The following APOC3 variants were observed in gnomAD, a reference collection of about 807,000 sequenced individuals.
The protein encoded by APOC3 is apolipoprotein C-III.
A neutral mutation model predicts 7.3 loss-of-function variants in APOC3; 6 were observed. That is an observed-to-expected ratio of 0.82 (90% confidence interval 0.45 to 1.61). The LOEUF (loss-of-function observed/expected upper bound fraction) is 1.61, where lower values mean the gene tolerates loss of function less well. APOC3 is among the 40% of genes most tolerant of loss of function. The pLI is 0.01. For synonymous variants in APOC3, 45 were observed against 51.2 expected (o/e 0.88, Z 0.52); for missense variants, 123 against 124.9 (o/e 0.98, Z 0.07).
At chr11:116,830,371 C>A in intron 1 of APOC3, 199 bp from the exon 2 acceptor site, 2 of 631,686 alleles carry the variant, frequency 3.2e-6, no homozygotes, top group Non-Finnish European at 5.6e-6. Context: ...TCTGCTCCAT[C>A]CCACCCACCT....
rs751544205 is a variant in APOC3 at position 116,830,753 on chromosome 11, C to G, written c.56-20C>G. Reference sequence around the variant, plus strand: ...CGTCCAGAGGCCGATCCACCCCACTCAGCCCTGCTCTTTCCTCAGGAGCTT... The same window carrying G: ...CGTCCAGAGGCCGATCCACCCCACTGAGCCCTGCTCTTTCCTCAGGAGCTT... On this transcript the variant is annotated intron_variant, in intron 2 of 3. Transcript: ENST00000227667. 1 of 1,613,446 alleles carries G rather than the reference C, an allele frequency of 6.2e-7. No individual in the cohort carries two copies. The highest frequency in any genetic ancestry group is 8.5e-7 in the Non-Finnish European group (1 of 1,179,978).
intron 3 of APOC3, among the ~76,000 whole-genome samples, chr11:116,832,461 C>T (rs1941472860): frequency 6.6e-6 from 1 of 152,228 alleles, no homozygotes; most frequent in African/African-American, 2.4e-5. Flanking sequence ...CAATGACAGC[C>T]TTGACCTTTC....
Position 116,830,353 on chromosome 11 carries a change from G to A in APOC3, c.-13-217G>A, listed in dbSNP as rs1225566669. 4.9e-6 allele frequency: 3 copies of A among 613,696 alleles called. No individual in the cohort carries two copies. In the Admixed American group the frequency reaches 8.0e-5, roughly 16 times the overall value. 38.0% of individuals were successfully genotyped at this position (613,696 alleles called of 1,614,324 possible). A position where few individuals can be genotyped will look rare whatever the true frequency, so the allele number is the denominator to read the frequency against. On this transcript the variant is annotated intron_variant, in intron 1 of 3. Transcript: ENST00000227667. Reference sequence around the variant, plus strand: ...CGCAGGTGCCTTGATGTTCAGTCTGGTGGGTTTTCTGCTCCATCCCACCCA... The same window carrying A: ...CGCAGGTGCCTTGATGTTCAGTCTGATGGGTTTTCTGCTCCATCCCACCCA...
chr11:116,830,444 G>T, intron 1 of APOC3, 126 bp from the exon 2 acceptor site: 1 of 966,588 alleles, frequency 1.0e-6, no homozygotes, highest in South Asian at 1.4e-5. Context: ...TATTAGCAGG[G>T]AGCCGGCCCC....
chr11:116,830,496 C>T (rs1476102760), intron 1 of APOC3, 74 bp from the exon 2 acceptor site: 1 of 1,528,354 alleles, frequency 6.5e-7, no homozygotes, highest in Non-Finnish European at 9.0e-7. Context: ...ACCTTAGGGG[C>T]CACGCCACCT....
chr11:116,830,762 T>C lies in APOC3; in HGVS notation c.56-11T>C. ...GCCGATCCACCCCACTCAGCCCTGC[T>C]CTTTCCTCAGGAGCTTCAGAGGCCG... On this transcript the variant is annotated splice_polypyrimidine_tract_variant and intron_variant, in intron 2 of 3. Coordinates refer to ENST00000227667, the MANE Select transcript of APOC3 (RefSeq NM_000040.3). 2 of 1,613,342 alleles carry C rather than the reference T, an allele frequency of 1.2e-6. No individual in the cohort carries two copies. Among genetic ancestry groups the C allele is most frequent in the Non-Finnish European group, 1.7e-6 (2 of 1,179,926 alleles).
chr11:116,832,463 T>A (rs1217471551), intron 3 of APOC3, among the ~76,000 whole-genome samples: 1 of 152,222 alleles, frequency 6.6e-6, no homozygotes, highest in East Asian at 1.9e-4. Context: ...ATGACAGCCT[T>A]GACCTTTCAC....
chr11:116,832,070 G>A (rs1188869590), intron 3 of APOC3, among the ~76,000 whole-genome samples: 1 of 152,180 alleles, frequency 6.6e-6, no homozygotes, highest in African/African-American at 2.4e-5. Context: ...CCCAATTCAA[G>A]CCCGTGAGTG....
chr11:116,830,070 G>T (rs1220847598), intron 1 of APOC3, 130 bp downstream of exon 1: 10 of 190,216 alleles, frequency 5.3e-5, no homozygotes, highest in Non-Finnish European at 2.2e-5. Context: ...GGAGCTGGAC[G>T]GGTGCCCCCC....
intron 1 of APOC3, 161 bp from the exon 2 acceptor site, chr11:116,830,409 C>A: frequency 1.3e-6 from 1 of 743,630 alleles, no homozygotes. Flanking sequence ...CCTCGCCCCT[C>A]ACCAGTCCCC....
At position 116,830,103 on chromosome 11, in the gene APOC3, A is replaced by G. The variant is rs560242799; in HGVS notation, c.-14+163A>G. Among the ~76,000 whole-genome samples the G allele has an allele frequency of 7.5e-4, 114 of 152,210 alleles. 2 individuals are homozygous for G. In the South Asian group the frequency reaches 0.02, roughly 27 times the overall value. ...CCCACCCCTCATCATAACCTGAAGA[A>G]CATGGAGGCCCGGGAGGGGTGTCAC... On this transcript the variant is annotated intron_variant, in intron 1 of 3. Coordinates refer to ENST00000227667, the MANE Select transcript of APOC3 (RefSeq NM_000040.3).
At chr11:116,832,643 A>C (rs1049365924) in intron 3 of APOC3, 121 bp from the exon 4 acceptor site, 2 of 1,423,686 alleles carry the variant, frequency 1.4e-6, no homozygotes, top group South Asian at 2.3e-5. Context: ...TCGTCCAGTG[A>C]AGTTGAGAGG....
In APOC3 at chr11:116,830,814, C is replaced by A. The variant is rs1382625294; in HGVS notation, c.97C>A (p.Gln33Lys). The stretch of plus-strand genomic sequence containing the variant: ...GGATGCCTCCCTTCTCAGCTTCATG[C>A]AGGGTTACATGAAGCACGCCACCAA... The part of the protein sequence containing the change: ...AEDASLLSFM[Q>K]GYMKHATKTA... The change falls in exon 3 of 4, where the codon CAG becomes AAG. Residue 33 changes from glutamine (Q) to lysine (K), a missense_variant. Coordinates refer to ENST00000227667, the MANE Select transcript of APOC3 (RefSeq NM_000040.3). The A allele has an allele frequency of 6.2e-7, 1 of 1,613,110 alleles. No homozygotes were observed. The highest frequency in any genetic ancestry group is 1.3e-5 in the African/African-American group (1 of 74,920).
rs1435306047 is a variant in APOC3, at chr11:116,830,817, G to T, written c.100G>T (p.Gly34Cys). 9.9e-6 allele frequency: 16 copies of T among 1,613,046 alleles called. No individual in the cohort carries two copies. Among genetic ancestry groups the T allele is most frequent in the Non-Finnish European group, 1.4e-5 (16 of 1,179,918 alleles). The change falls in exon 3 of 4, where the codon GGT becomes TGT. Residue 34 changes from glycine to cysteine, a missense_variant. Gly to Cys is a radical substitution (Grantham distance 159, BLOSUM62 -3). Transcript: ENST00000227667. Reference sequence around the variant, plus strand: ...TGCCTCCCTTCTCAGCTTCATGCAGGGTTACATGAAGCACGCCACCAAGAC... The same window carrying T: ...TGCCTCCCTTCTCAGCTTCATGCAGTGTTACATGAAGCACGCCACCAAGAC... ...EDASLLSFMQ[G>C]YMKHATKTAK... is the part of the protein sequence containing the mutation.
At chr11:116,830,179 T>A (rs1349218324) in intron 1 of APOC3, among the ~76,000 whole-genome samples, 1 of 151,936 alleles carries the variant, frequency 6.6e-6, no homozygotes, top group South Asian at 2.1e-4. Context: ...CAAGTGCAGG[T>A]TCCCCCCTCA....
Position 116,833,004 on chromosome 11 carries a change from C to A in APOC3, c.*120C>A. ...ACAGTATTCTCAGTGCTCTCCTACC[C>A]CACCTCATGCCTGGCCCCCCTCCAG... On this transcript the variant is annotated 3_prime_UTR_variant, in exon 4 of 4. Coordinates refer to ENST00000227667, the MANE Select transcript of APOC3 (RefSeq NM_000040.3). 1 of 1,388,516 alleles carries A rather than the reference C, an allele frequency of 7.2e-7. No individual in the cohort carries two copies. Among genetic ancestry groups the A allele is most frequent in the East Asian group, 2.3e-5 (1 of 42,564 alleles). The allele number at this position is 1,388,516 out of a possible 1,614,324, so 86.0% of individuals were successfully genotyped here.
At chr11:116,831,982 C>T (rs1287295669) in intron 3 of APOC3, among the ~76,000 whole-genome samples, 2 of 152,236 alleles carry the variant, frequency 1.3e-5, no homozygotes, top group Admixed American at 6.5e-5. Context: ...TCCTAACAGT[C>T]CATGGACCAG....
intron 3 of APOC3, chr11:116,831,189 ATTTCTTTCTT>A (rs1489982967): frequency 1.3e-5 from 2 of 148,404 alleles, no homozygotes; most frequent in Non-Finnish European, 2.6e-5. Context: ...TTCTCTTTCT[ATTTCTTTCTT>A]TCTTTCTTTC....
intron 3 of APOC3, among the ~76,000 whole-genome samples, chr11:116,831,269 TCCTTTCTTTCTTTC>T: frequency 2.4e-5 from 1 of 41,854 alleles, no homozygotes. Flanking sequence ...TTTCTTTCTT[TCCTTTCTTTCTTTC>T]CTTTCTTTCT....
Sources: gnomAD v4.1 joint callset for allele counts (sites outside exome capture counted in the v4.1 genomes callset) on GRCh38, gnomAD v4.1.1 for gene constraint, MANE v1.5 for transcripts, NCBI Gene and HGNC (gene_info 2026-07-23, HGNC 2026-07-21) for gene names.